DPP10: variants seen among roughly 807,000 people sequenced by gnomAD.
DPP10 encodes inactive dipeptidyl peptidase 10.
Under a neutral mutation model 120.9 loss-of-function variants are expected in DPP10, and 33 were observed. That is an observed-to-expected ratio of 0.27 (90% CI 0.21 to 0.37). DPP10 has a LOEUF of 0.37. Among genes scored for constraint, DPP10 ranks in the 10% least tolerant of loss-of-function variants. The pLI is 1.00. For missense variants in DPP10, 816 were observed against 942.8 expected (o/e 0.87, Z 1.76); for synonymous variants, 337 against 326.1 (o/e 1.03, Z -0.36).
At chr2:115,246,226 G>A (rs1335200216) in intron 1 of DPP10, among the ~76,000 whole-genome samples, 1 of 152,018 alleles carries the variant, frequency 6.6e-6, no homozygotes, top group African/African-American at 2.4e-5. Context: ...TCATTACATA[G>A]TTATCAAACC....
chr2:115,797,980 T>G (rs1186804178), intron 19 of DPP10, among the ~76,000 whole-genome samples: 2 of 151,838 alleles, frequency 1.3e-5, no homozygotes, highest in African/African-American at 2.4e-5. Context: ...CACACGTATA[T>G]GCACACACAG....
At chr2:115,418,757 A>G (rs1451195799) in intron 3 of DPP10, among the ~76,000 whole-genome samples, 1 of 142,934 alleles carries the variant, frequency 7.0e-6, no homozygotes, top group Non-Finnish European at 1.6e-5. Flanking sequence ...TGGGTGACAG[A>G]GTGAGATCCT....
intron 1 of DPP10, among the ~76,000 whole-genome samples, chr2:115,075,035 A>G (rs1007827332): frequency 2.0e-5 from 3 of 152,188 alleles, no homozygotes; most frequent in African/African-American, 7.2e-5. Context: ...CCCACAGACA[A>G]GAGAGTGAGA....
chr2:114,801,273 A>AAAAAAAAAAAAAAAAAG (rs1278761461), intron 1 of DPP10, among the ~76,000 whole-genome samples: 14 of 77,802 alleles, frequency 1.8e-4, no homozygotes, highest in African/African-American at 4.8e-4. Context: ...AAAAAAAAAA[A>AAAAAAAAAAAAAAAAAG]AAAAAAGAAA....
At chr2:115,404,328 G>C (rs1474817484) in intron 3 of DPP10, among the ~76,000 whole-genome samples, 1 of 152,110 alleles carries the variant, frequency 6.6e-6, no homozygotes, top group African/African-American at 2.4e-5. Flanking sequence ...AGTATAAACA[G>C]GATGGTCCTA....
At chr2:114,756,136 G>C (rs1228217576) in intron 1 of DPP10, among the ~76,000 whole-genome samples, 2 of 152,120 alleles carry the variant, frequency 1.3e-5, no homozygotes, top group Non-Finnish European at 2.9e-5. Context: ...AAGACTAAAG[G>C]AGATGATATG....
intron 1 of DPP10, among the ~76,000 whole-genome samples, chr2:114,488,766 C>T (rs1681734646): frequency 6.6e-6 from 1 of 152,200 alleles, no homozygotes; most frequent in Non-Finnish European, 1.5e-5. Flanking sequence ...CTGCAACATC[C>T]TTTTAATAAG....
Position 115,822,519 on chromosome 2 carries a change from T to C in DPP10, c.1950+6790T>C, listed in dbSNP as rs1575896103. On this transcript the variant is annotated intron_variant, in intron 21 of 25. Coordinates refer to ENST00000410059, the MANE Select transcript of DPP10 (RefSeq NM_020868.6). ...ATAGGGATTTCTTATGTGAATTGTA[T>C]CAAATCTATAAATCACCTGGCAAAG... Among the ~76,000 whole-genome samples the C allele has an allele frequency of 2.6e-5, 4 of 152,146 alleles. No individual in the cohort carries two copies. In the East Asian group the frequency reaches 7.7e-4, roughly 29 times the overall value.
Position 115,525,967 on chromosome 2 carries a change from A to G in DPP10, c.436A>G (p.Lys146Glu). Residue 146 changes from lysine (K) to glutamate (E), a missense_variant, in exon 5 of 26, where the codon AAA (lysine) becomes GAA (glutamate). Transcript: ENST00000410059. ...ATATGTCCTTCTGGCATATGATGTC[A>G]AACAGGTAAAGGAGTGATCTTCTTT... is the stretch of plus-strand genomic sequence containing the variant. Reference protein sequence around the residue: ...LKYVLLAYDVKQIFHYSYTAS... With the variant: ...LKYVLLAYDVEQIFHYSYTAS... 1 of 1,609,086 alleles carries G rather than the reference A, an allele frequency of 6.2e-7. No individual in the cohort carries two copies. Among genetic ancestry groups the G allele is most frequent in the Non-Finnish European group, 8.5e-7 (1 of 1,177,284 alleles).
chr2:115,007,892 G>C (rs1701972180), intron 1 of DPP10, among the ~76,000 whole-genome samples: 1 of 151,920 alleles, frequency 6.6e-6, no homozygotes, highest in Non-Finnish European at 1.5e-5. Flanking sequence ...ACCTCTTCAA[G>C]GAGAACTAGA....
intron 1 of DPP10, among the ~76,000 whole-genome samples, chr2:114,542,666 C>A (rs1044835245): frequency 2.6e-5 from 4 of 152,130 alleles, no homozygotes; most frequent in Non-Finnish European, 4.4e-5. Flanking sequence ...TCTACTTAGG[C>A]AAGGAAGACA....
chr2:115,320,369 T>A (rs1208135335), intron 2 of DPP10, among the ~76,000 whole-genome samples: 1 of 152,152 alleles, frequency 6.6e-6, no homozygotes, highest in Non-Finnish European at 1.5e-5. Context: ...AAGTAATTGT[T>A]TCATTGTTCC....
At position 115,768,387 on chromosome 2, in the gene DPP10, G is replaced by A. The variant is rs371934231; in HGVS notation, c.1204G>A (p.Ala402Thr). 1.3e-5 allele frequency: 21 copies of A among 1,612,984 alleles called. No individual in the cohort carries two copies. Among genetic ancestry groups the A allele is most frequent in the Non-Finnish European group, 4.2e-6 (5 of 1,179,348 alleles). ...GGGACGTGGAGAATTTCACCACGTAGCTATGTTCCTCATCCAGGTAAGTGC... is the reference window on the plus strand; with the variant it reads ...GGGACGTGGAGAATTTCACCACGTAACTATGTTCCTCATCCAGGTAAGTGC... ...QGGRGEFHHVAMFLIQSKSEQ... is the reference protein window; with the variant it reads ...QGGRGEFHHVTMFLIQSKSEQ... The change falls in exon 13 of 26, where the codon GCT becomes ACT. Residue 402 changes from alanine to threonine, a missense_variant. Ala to Thr is a moderately conservative substitution (Grantham distance 58, BLOSUM62 0). Transcript: ENST00000410059.
At chr2:115,393,596 G>A (rs1382471339) in intron 3 of DPP10, among the ~76,000 whole-genome samples, 1 of 152,114 alleles carries the variant, frequency 6.6e-6, no homozygotes, top group African/African-American at 2.4e-5. Flanking sequence ...TTCATTAAGG[G>A]CCAATACAGT....
intron 5 of DPP10, among the ~76,000 whole-genome samples, chr2:115,627,505 AT>A (rs1327811127): frequency 6.6e-6 from 1 of 152,028 alleles, no homozygotes; most frequent in Non-Finnish European, 1.5e-5. Flanking sequence ...TGGTTTAGTT[AT>A]TTTTTTATTT....
intron 1 of DPP10, among the ~76,000 whole-genome samples, chr2:114,718,143 A>C (rs1701475183): frequency 1.3e-5 from 2 of 152,050 alleles, no homozygotes; most frequent in Admixed American, 6.6e-5. Context: ...GTGGTTTTCA[A>C]ATATTACATC....
At chr2:115,264,832 A>C (rs912697362) in intron 1 of DPP10, among the ~76,000 whole-genome samples, 1 of 152,180 alleles carries the variant, frequency 6.6e-6, no homozygotes, top group African/African-American at 2.4e-5. Flanking sequence ...CTTTATCTAC[A>C]TGATGATTGT....
chr2:115,302,833 A>G (rs553928382), intron 1 of DPP10, among the ~76,000 whole-genome samples: 12 of 152,228 alleles, frequency 7.9e-5, no homozygotes, highest in Middle Eastern at 3.4e-3. Flanking sequence ...TAAAAAAATT[A>G]CTTTACTCAG....
At chr2:115,490,462 G>A (rs2076045313) in intron 3 of DPP10, among the ~76,000 whole-genome samples, 1 of 152,086 alleles carries the variant, frequency 6.6e-6, no homozygotes, top group South Asian at 2.1e-4. Context: ...TTCAAGATGA[G>A]ATTTGGGTGG....
Sources: gnomAD v4.1 joint callset for allele counts (sites outside exome capture counted in the v4.1 genomes callset) on GRCh38, gnomAD v4.1.1 for gene constraint, MANE v1.5 for transcripts, NCBI Gene and HGNC (gene_info 2026-07-23, HGNC 2026-07-21) for gene names.